Variants in COBLL1 observed in about 807,000 individuals in gnomAD.
COBLL1 encodes the protein cordon-bleu WH2 repeat protein like 1.
A neutral mutation model predicts 94.8 loss-of-function variants in COBLL1; 50 were observed. That is an observed-to-expected ratio of 0.53 (90% CI 0.42 to 0.67). The LOEUF (loss-of-function observed/expected upper bound fraction) is 0.67, where lower values mean the gene tolerates loss of function less well. COBLL1 is among the 30% of genes least tolerant of loss of function. COBLL1 has a pLI of 0.00. For missense variants in COBLL1, 1,362 were observed against 1,348.7 expected (o/e 1.01, Z -0.15); for synonymous variants, 448 against 473.8 (o/e 0.95, Z 0.71).
intron 1 of COBLL1, among the ~76,000 whole-genome samples, chr2:164,669,508 C>A (rs1691213912): frequency 6.6e-6 from 1 of 152,190 alleles, no homozygotes; most frequent in Non-Finnish European, 1.5e-5. Flanking sequence ...TGGTCTGTTT[C>A]CAAGAGTAAT....
chr2:164,707,187 G>C (rs559139854), intron 7 of COBLL1, among the ~76,000 whole-genome samples: 4 of 151,742 alleles, frequency 2.6e-5, no homozygotes, highest in African/African-American at 9.7e-5. Flanking sequence ...TCTCCACCTA[G>C]GTTGGAGTGC....
chr2:164,729,783 C>T, intron 4 of COBLL1, 131 bp downstream of exon 4: 1 of 776,552 alleles, frequency 1.3e-6, no homozygotes, highest in Non-Finnish European at 2.1e-6. Flanking sequence ...GAATCCTAAA[C>T]AAAGTGCCTA....
chr2:164,736,472 A>C (rs1686316695), intron 3 of COBLL1, among the ~76,000 whole-genome samples: 1 of 152,230 alleles, frequency 6.6e-6, no homozygotes, highest in African/African-American at 2.4e-5. Context: ...CTAAGCTGAT[A>C]AGTTCTTAAC....
chr2:164,674,339 G>A (rs777261913), intron 1 of COBLL1, among the ~76,000 whole-genome samples: 5 of 152,092 alleles, frequency 3.3e-5, no homozygotes, highest in Non-Finnish European at 5.9e-5. Flanking sequence ...CATTACAGGC[G>A]TGAACCACTG....
intron 2 of COBLL1, among the ~76,000 whole-genome samples, chr2:164,663,825 A>G (rs1691107302): frequency 6.6e-6 from 1 of 152,206 alleles, no homozygotes; most frequent in Non-Finnish European, 1.5e-5. Context: ...GCAAGGACTA[A>G]AAAACTTCCT....
At chr2:164,793,516 T>C (rs958975999) in intron 2 of COBLL1, among the ~76,000 whole-genome samples, 1 of 152,236 alleles carries the variant, frequency 6.6e-6, no homozygotes, top group African/African-American at 2.4e-5. Flanking sequence ...TGAGTGATTA[T>C]GATAATATTA....
At chr2:164,740,048 TA>T (rs1449144349) in intron 3 of COBLL1, among the ~76,000 whole-genome samples, 1 of 152,178 alleles carries the variant, frequency 6.6e-6, no homozygotes, top group Non-Finnish European at 1.5e-5. Flanking sequence ...ACAACTACTT[TA>T]AATCACAAAC....
At chr2:164,774,504 G>A (rs1434608805) in intron 2 of COBLL1, among the ~76,000 whole-genome samples, 1 of 152,184 alleles carries the variant, frequency 6.6e-6, no homozygotes, top group Non-Finnish European at 1.5e-5. Flanking sequence ...AAAATCAAAT[G>A]CAGACTATTC....
At chr2:164,795,841 C>A (rs966277) in intron 2 of COBLL1, among the ~76,000 whole-genome samples, 54,250 of 151,950 alleles carry the variant, frequency 0.36, 9,899 homozygotes, top group Admixed American at 0.41. Context: ...TAAAGTTTTT[C>A]TTAGACTAAA....
At chr2:164,708,378 T>C (rs906857317) in intron 7 of COBLL1, among the ~76,000 whole-genome samples, 1 of 152,270 alleles carries the variant, frequency 6.6e-6, no homozygotes, top group African/African-American at 2.4e-5. Flanking sequence ...GGATTCTCAA[T>C]GGATGTTTGA....
At chr2:164,724,057 T>A (rs1685596918) in intron 5 of COBLL1, 1 of 152,332 alleles carries the variant, frequency 6.6e-6, no homozygotes, top group African/African-American at 2.4e-5. Context: ...CCTCCCAAAG[T>A]GCTAGGATTA....
At position 164,697,349 on chromosome 2, in the gene COBLL1, A is replaced by T. The variant is rs1162221929; in HGVS notation, c.1556-1513T>A. 2.6e-5 allele frequency: 4 copies of T among 152,114 alleles called. No individual in the cohort carries two copies. The East Asian group carries it at 7.7e-4, about 29-fold the overall frequency. The allele number at this position is 152,114 out of a possible 1,614,324, so 9.4% of individuals were successfully genotyped here. ...TGACCAATTATTATTAACTATTTTG[A>T]TTTACAAAATTAAAGACCCATGTTC... On this transcript the variant is annotated intron_variant, in intron 11 of 13. Transcript: ENST00000652658.
intron 1 of COBLL1, among the ~76,000 whole-genome samples, chr2:164,675,119 A>G (rs1221677469): frequency 1.3e-5 from 2 of 152,174 alleles, no homozygotes; most frequent in African/African-American, 4.8e-5. Context: ...AAAGACAAGT[A>G]CTTCAGAAAA....
Position 164,817,334 on chromosome 2 carries a change from C to T in COBLL1, c.41+23822G>A, listed in dbSNP as rs1268489065. Among the ~76,000 whole-genome samples, 3 of 143,306 alleles carry T rather than the reference C, an allele frequency of 2.1e-5. No individual in the cohort carries two copies. In the South Asian group the frequency reaches 6.5e-4, roughly 31 times the overall value. 94.0% of individuals were successfully genotyped at this position (143,306 alleles called of 152,430 possible). The stretch of plus-strand genomic sequence containing the variant: ...GTTTTCCGAACTTCTAACCTAAATT[C>T]CCTTATCTGAGTGTAATGGTATATA... On this transcript the variant is annotated intron_variant, in intron 2 of 13. Coordinates refer to ENST00000652658, the MANE Select transcript of COBLL1 (RefSeq NM_001365672.2).
At chr2:164,713,689 C>G (rs1299763498) in intron 7 of COBLL1, among the ~76,000 whole-genome samples, 5 of 152,116 alleles carry the variant, frequency 3.3e-5, no homozygotes, top group Admixed American at 3.3e-4. Flanking sequence ...AATATCAAGT[C>G]TTTTACCTCT....
chr2:164,818,302 G>A (rs922148137), intron 2 of COBLL1, among the ~76,000 whole-genome samples: 2 of 146,802 alleles, frequency 1.4e-5, no homozygotes, highest in Non-Finnish European at 3.0e-5. Context: ...GTATACATAT[G>A]TATACATATA....
At chr2:164,744,356 G>A (rs780116640) in intron 2 of COBLL1, among the ~76,000 whole-genome samples, 1 of 152,052 alleles carries the variant, frequency 6.6e-6, no homozygotes, top group Non-Finnish European at 1.5e-5. Flanking sequence ...TTATCCTTCA[G>A]AGACTAGTTA....
Position 164,684,223 on chromosome 2 carries a change from T to C in COBLL1, c.*1723A>G, listed in dbSNP as rs1023064028. 7 of 152,150 alleles carry C rather than the reference T, an allele frequency of 4.6e-5. No homozygotes were observed. The highest frequency in any genetic ancestry group is 1.7e-4 in the African/African-American group (7 of 41,458). 9.4% of individuals were successfully genotyped at this position (152,150 alleles called of 1,614,324 possible). Reference sequence around the variant, plus strand: ...TCCTCTTGTAAGAATAATGTGCTGATATTTCTATTAGGTAGACTTATCATG... The same window carrying C: ...TCCTCTTGTAAGAATAATGTGCTGACATTTCTATTAGGTAGACTTATCATG... On this transcript the variant is annotated 3_prime_UTR_variant, in exon 14 of 14. Coordinates refer to ENST00000652658, the MANE Select transcript of COBLL1 (RefSeq NM_001365672.2).
intron 2 of COBLL1, among the ~76,000 whole-genome samples, chr2:164,788,178 T>A (rs1409767272): frequency 2.0e-5 from 3 of 152,178 alleles, no homozygotes; most frequent in African/African-American, 7.2e-5. Context: ...CCAGGCCAGC[T>A]AGATGTTGAC....
Sources: gnomAD v4.1 joint callset for allele counts (sites outside exome capture counted in the v4.1 genomes callset) on GRCh38, gnomAD v4.1.1 for gene constraint, MANE v1.5 for transcripts, NCBI Gene and HGNC (gene_info 2026-07-23, HGNC 2026-07-21) for gene names.